EPHA7: variants seen among roughly 807,000 people sequenced by gnomAD.
The protein encoded by EPHA7 is EPH receptor A7, also known as ephrin type-A receptor 7.
A neutral mutation model predicts 112.6 loss-of-function variants in EPHA7; 25 were observed. The ratio of observed to expected loss-of-function variants is 0.22; its 90% CI spans 0.16 to 0.31. The LOEUF (loss-of-function observed/expected upper bound fraction) is 0.31. Among genes scored for constraint, EPHA7 ranks in the 10% least tolerant of loss-of-function variants. EPHA7 has a pLI of 1.00. For synonymous variants in EPHA7, 437 were observed against 406.5 expected, an observed-to-expected ratio of 1.07 and a Z score of -0.90; for missense variants, 962 against 1,212.6, an observed-to-expected ratio of 0.79 and a Z score of 3.07.
chr6:93,282,697 C>T (rs574930354), intron 5 of EPHA7, among the ~76,000 whole-genome samples: 2 of 152,244 alleles, frequency 1.3e-5, no homozygotes, highest in South Asian at 2.1e-4. Context: ...TGCGGGCCAG[C>T]GCGAGTTCCC....
rs569112388 is a variant in EPHA7 at position 93,258,129 on chromosome 6, C to T, written c.2080G>A (p.Val694Ile). The stretch of plus-strand genomic sequence containing the variant: ...GTAACAACCCCTTCCAAATGGACAA[C>T]ATTCGGGTGGTCAAACTGCCCCATG... ...SIMGQFDHPN[V>I]VHLEGVVTRG... Residue 694 changes from valine (V) to isoleucine (I), a missense_variant, in exon 11 of 17, where the codon GTT becomes ATT. Physicochemically the swap from Val to Ile is conservative, Grantham distance 29 (BLOSUM62 3). Coordinates refer to ENST00000369303, the MANE Select transcript of EPHA7 (RefSeq NM_004440.4). 31 of 1,613,408 alleles carry T rather than the reference C, an allele frequency of 1.9e-5. No homozygotes were observed. The South Asian group carries it at 3.2e-4, about 17-fold the overall frequency.
At chr6:93,371,030 G>A (rs549336368) in intron 3 of EPHA7, among the ~76,000 whole-genome samples, 6 of 151,770 alleles carry the variant, frequency 4.0e-5, no homozygotes, top group East Asian at 3.9e-4. Context: ...CAGCCGTGGC[G>A]GCGGGAGCCT....
intron 14 of EPHA7, 140 bp from the exon 15 acceptor site, chr6:93,247,125 T>G (rs1769990699): frequency 2.7e-6 from 2 of 730,632 alleles, no homozygotes; most frequent in Non-Finnish European, 2.1e-6. Context: ...TTCCCAAAAT[T>G]TCCATGAATA....
intron 9 of EPHA7, among the ~76,000 whole-genome samples, chr6:93,262,125 C>G (rs1344523559): frequency 6.6e-6 from 1 of 151,500 alleles, no homozygotes; most frequent in Non-Finnish European, 1.5e-5. Flanking sequence ...TATTACTCTT[C>G]TATATACATT....
At chr6:93,413,899 T>C (rs1350365111) in intron 2 of EPHA7, among the ~76,000 whole-genome samples, 3 of 151,850 alleles carry the variant, frequency 2.0e-5, no homozygotes, top group South Asian at 2.1e-4. Flanking sequence ...AAGCCAAAGA[T>C]AAACACAAAT....
chr6:93,282,432 T>C (rs1204575387), intron 5 of EPHA7, among the ~76,000 whole-genome samples: 1 of 152,222 alleles, frequency 6.6e-6, no homozygotes, highest in Non-Finnish European at 1.5e-5. Flanking sequence ...AAAAAATAAA[T>C]TAGAATAAAA....
chr6:93,415,971 C>G (rs932428426), intron 1 of EPHA7, among the ~76,000 whole-genome samples: 1 of 152,254 alleles, frequency 6.6e-6, no homozygotes, highest in East Asian at 1.9e-4. Context: ...TTCCTTCACA[C>G]TAGTCAAAGT....
intron 5 of EPHA7, among the ~76,000 whole-genome samples, chr6:93,311,674 A>C (rs1409303942): frequency 6.6e-6 from 1 of 152,178 alleles, no homozygotes; most frequent in African/African-American, 2.4e-5. Context: ...TCCTCCCATG[A>C]ATCATGAACG....
intron 12 of EPHA7, among the ~76,000 whole-genome samples, chr6:93,256,764 G>A (rs72929142): frequency 0.1 from 15,599 of 152,076 alleles, 1,037 homozygotes; most frequent in Non-Finnish European, 0.15. Flanking sequence ...TTATCATGAT[G>A]ATGCAGCAAT....
chr6:93,412,275 T>C (rs546898533), intron 2 of EPHA7, among the ~76,000 whole-genome samples: 1 of 151,384 alleles, frequency 6.6e-6, no homozygotes, highest in South Asian at 2.1e-4. Context: ...TGCAATATTT[T>C]AACTATTGTT....
At chr6:93,262,246 C>G (rs61145076) in intron 9 of EPHA7, among the ~76,000 whole-genome samples, 1 of 151,182 alleles carries the variant, frequency 6.6e-6, no homozygotes, top group African/African-American at 2.4e-5. Flanking sequence ...AAAAGGTAAC[C>G]TCCACTTTTT....
intron 3 of EPHA7, among the ~76,000 whole-genome samples, chr6:93,372,290 A>G (rs2006999): frequency 0.18 from 27,560 of 152,054 alleles, 3,104 homozygotes; most frequent in Non-Finnish European, 0.25. Context: ...TACCTATGGC[A>G]CAGCAAAACA....
chr6:93,326,064 A>G (rs1774303246), intron 5 of EPHA7, among the ~76,000 whole-genome samples: 1 of 151,440 alleles, frequency 6.6e-6, no homozygotes, highest in Admixed American at 6.6e-5. Flanking sequence ...ACCAAACATT[A>G]GTTACATAGC....
chr6:93,374,522 AC>A (rs1317038458), intron 3 of EPHA7, among the ~76,000 whole-genome samples: 1 of 152,202 alleles, frequency 6.6e-6, no homozygotes. Flanking sequence ...TTACTAGCGA[AC>A]CTTTGACACT....
rs141088441 is a variant in EPHA7, at chr6:93,402,816, A to G, written c.832+7685T>C. Among the ~76,000 whole-genome samples the G allele has an allele frequency of 4.3e-3, 649 of 152,022 alleles. 7 individuals carry two copies. Among genetic ancestry groups the G allele is most frequent in the African/African-American group, 0.015 (603 of 41,444 alleles). On this transcript the variant is annotated intron_variant, in intron 3 of 16. Transcript: ENST00000369303. ...TATAACAAAAGTTGCTTTCCCATAT[A>G]ATATAAATATAAACACACTTCAAGG... is the stretch of plus-strand genomic sequence containing the variant.
intron 7 of EPHA7, 57 bp from the exon 8 acceptor site, chr6:93,264,759 G>T: frequency 3.0e-6 from 3 of 994,172 alleles, no homozygotes; most frequent in Non-Finnish European, 4.4e-6. Context: ...AACTTGAAAG[G>T]TTAAATAAAA....
At chr6:93,287,146 T>C (rs954952794) in intron 5 of EPHA7, among the ~76,000 whole-genome samples, 10 of 152,206 alleles carry the variant, frequency 6.6e-5, no homozygotes, top group Non-Finnish European at 1.3e-4. Flanking sequence ...TAAGCCAGTG[T>C]CTTCCTATCT....
intron 5 of EPHA7, among the ~76,000 whole-genome samples, chr6:93,331,229 TA>T (rs1211460655): frequency 6.6e-6 from 1 of 151,454 alleles, no homozygotes; most frequent in Non-Finnish European, 1.5e-5. Flanking sequence ...AGAAAAGAAG[TA>T]AACAGAGATG....
At chr6:93,320,166 C>A (rs1423543317) in intron 5 of EPHA7, among the ~76,000 whole-genome samples, 1 of 151,980 alleles carries the variant, frequency 6.6e-6, no homozygotes, top group African/African-American at 2.4e-5. Flanking sequence ...GATTAGCTAA[C>A]CTCCTTGTGA....
Sources: gnomAD v4.1 joint callset for allele counts (sites outside exome capture counted in the v4.1 genomes callset) on GRCh38, gnomAD v4.1.1 for gene constraint, MANE v1.5 for transcripts, NCBI Gene and HGNC (gene_info 2026-07-23, HGNC 2026-07-21) for gene names.